ADK: variants seen among roughly 807,000 people sequenced by gnomAD.
ADK encodes adenosine kinase.
Under a neutral mutation model 44.7 loss-of-function variants are expected in ADK, and 24 were observed. The ratio of observed to expected loss-of-function variants is 0.54; its 90% CI spans 0.39 to 0.76. The LOEUF (loss-of-function observed/expected upper bound fraction) is 0.76. Among genes scored for constraint, ADK ranks in the 30% least tolerant of loss-of-function variants. ADK has a pLI of 0.00. For synonymous variants in ADK, 128 were observed against 142.6 expected (o/e 0.90, Z 0.73); for missense variants, 321 against 425.1 (o/e 0.76, Z 2.15).
intron 6 of ADK, among the ~76,000 whole-genome samples, chr10:74,491,027 A>G (rs555707836): frequency 6.6e-6 from 1 of 152,256 alleles, no homozygotes; most frequent in Admixed American, 6.5e-5. Flanking sequence ...AATGTAGTAC[A>G]TTGATCAGCC....
At chr10:74,363,385 C>G (rs559005141) in intron 4 of ADK, among the ~76,000 whole-genome samples, 15 of 152,292 alleles carry the variant, frequency 9.8e-5, no homozygotes, top group Middle Eastern at 3.4e-3. Flanking sequence ...ATTTCCCCAA[C>G]TGCAGTGAGA....
chr10:74,343,144 G>T (rs1365493778), intron 4 of ADK, among the ~76,000 whole-genome samples: 2 of 152,048 alleles, frequency 1.3e-5, no homozygotes, highest in African/African-American at 4.8e-5. Context: ...TCAGATTGAG[G>T]AAGTTACTTT....
rs16931364 is a variant in ADK, at chr10:74,332,557, A to C, written c.273+17812A>C. Among the ~76,000 whole-genome samples the C allele has an allele frequency of 4.9e-3, 745 of 152,326 alleles. 5 individuals carry two copies. Among genetic ancestry groups the C allele is most frequent in the African/African-American group, 0.017 (701 of 41,570 alleles). ...GTATTGGCAGAAAGTAAAAAGTACC[A>C]GTGGTTTAAACCATATGTAGCTTTT... On this transcript the variant is annotated intron_variant, in intron 4 of 10. Coordinates refer to ENST00000539909, the MANE Select transcript of ADK (RefSeq NM_006721.4).
intron 6 of ADK, among the ~76,000 whole-genome samples, chr10:74,482,716 C>A (rs190848763): frequency 6.6e-6 from 1 of 152,184 alleles, no homozygotes; most frequent in Non-Finnish European, 1.5e-5. Context: ...AGGGATAAAT[C>A]AGCCAAAAGA....
At chr10:74,518,023 C>T (rs1405179564) in intron 6 of ADK, among the ~76,000 whole-genome samples, 3 of 152,118 alleles carry the variant, frequency 2.0e-5, no homozygotes, top group African/African-American at 7.2e-5. Context: ...CATATTTGAT[C>T]GACTCTGAGA....
At chr10:74,155,131 T>C (rs1317495829) in intron 1 of ADK, among the ~76,000 whole-genome samples, 1 of 152,208 alleles carries the variant, frequency 6.6e-6, no homozygotes, top group Non-Finnish European at 1.5e-5. Context: ...TTCACTTCCA[T>C]GGACCCCTTT....
At chr10:74,567,575 C>T (rs1850718130) in intron 7 of ADK, among the ~76,000 whole-genome samples, 1 of 152,138 alleles carries the variant, frequency 6.6e-6, no homozygotes, top group South Asian at 2.1e-4. Flanking sequence ...TTTCATACCA[C>T]TCTATCCTTT....
intron 10 of ADK, among the ~76,000 whole-genome samples, chr10:74,698,626 C>G (rs1214819487): frequency 2.6e-5 from 4 of 152,220 alleles, no homozygotes; most frequent in Non-Finnish European, 5.9e-5. Flanking sequence ...CGATATGGCT[C>G]ACTGCAGCCA....
intron 4 of ADK, among the ~76,000 whole-genome samples, chr10:74,387,916 C>CT (rs1051474656): frequency 1.5e-4 from 23 of 149,034 alleles, no homozygotes; most frequent in Admixed American, 2.7e-4. Flanking sequence ...TTTCTTTTTT[C>CT]TTTTTTTTTG....
intron 7 of ADK, among the ~76,000 whole-genome samples, chr10:74,578,298 T>G (rs1213428061): frequency 1.3e-5 from 2 of 152,192 alleles, no homozygotes; most frequent in African/African-American, 2.4e-5. Flanking sequence ...AATTGATTAT[T>G]TATCTTGTCT....
intron 5 of ADK, among the ~76,000 whole-genome samples, chr10:74,395,838 G>A (rs1381526520): frequency 1.3e-5 from 2 of 152,122 alleles, no homozygotes; most frequent in African/African-American, 4.8e-5. Context: ...GGCCAACATG[G>A]TGAAACTCCG....
chr10:74,549,844 A>C (rs1849967812), intron 7 of ADK, among the ~76,000 whole-genome samples: 2 of 152,194 alleles, frequency 1.3e-5, no homozygotes, highest in African/African-American at 4.8e-5. Flanking sequence ...ATGTTGATTC[A>C]TTGAAATTAT....
At chr10:74,624,791 CT>C (rs1244372450) in intron 9 of ADK, among the ~76,000 whole-genome samples, 1 of 152,126 alleles carries the variant, frequency 6.6e-6, no homozygotes, top group Admixed American at 6.5e-5. Flanking sequence ...TATGGTCACA[CT>C]AATCATTATA....
At chr10:74,235,182 C>A (rs1287647419) in intron 3 of ADK, among the ~76,000 whole-genome samples, 1 of 123,456 alleles carries the variant, frequency 8.1e-6, no homozygotes, top group African/African-American at 3.0e-5. Flanking sequence ...GGAAAATGTT[C>A]ATAAGGGATT....
At chr10:74,653,179 C>A (rs144666981) in intron 9 of ADK, among the ~76,000 whole-genome samples, 4 of 152,086 alleles carry the variant, frequency 2.6e-5, no homozygotes, top group African/African-American at 7.2e-5. Context: ...GGGCTGAGTG[C>A]GGTGGCTCAG....
chr10:74,226,872 A>G (rs1844563404), intron 3 of ADK, among the ~76,000 whole-genome samples: 1 of 152,144 alleles, frequency 6.6e-6, no homozygotes, highest in Non-Finnish European at 1.5e-5. Context: ...GATGGTCTTG[A>G]TATTTTTGGC....
intron 1 of ADK, among the ~76,000 whole-genome samples, chr10:74,155,857 T>TA (rs1435587344): frequency 6.6e-6 from 1 of 152,238 alleles, no homozygotes; most frequent in African/African-American, 2.4e-5. Context: ...TAATGCAGCC[T>TA]AAAATTGAGC....
chr10:74,495,127 A>G (rs1262510609), intron 6 of ADK, among the ~76,000 whole-genome samples: 9 of 152,152 alleles, frequency 5.9e-5, no homozygotes, highest in Non-Finnish European at 7.4e-5. Flanking sequence ...CTGGTTTTCT[A>G]AAGTTTCATG....
intron 4 of ADK, among the ~76,000 whole-genome samples, chr10:74,334,951 T>G (rs1841356858): frequency 6.6e-6 from 1 of 152,038 alleles, no homozygotes. Flanking sequence ...TGTCAAGACT[T>G]TATTGGGGAA....
Sources: gnomAD v4.1 joint callset for allele counts (sites outside exome capture counted in the v4.1 genomes callset) on GRCh38, gnomAD v4.1.1 for gene constraint, MANE v1.5 for transcripts, NCBI Gene and HGNC (gene_info 2026-07-23, HGNC 2026-07-21) for gene names.